TENM2: variants seen among roughly 807,000 people sequenced by gnomAD.
TENM2 encodes the protein teneurin transmembrane protein 2, also known as teneurin-2.
In TENM2, 52 loss-of-function variants were observed where a neutral mutation model predicts 245.2. That is an observed-to-expected ratio of 0.21 (90% CI 0.17 to 0.27). TENM2 has a LOEUF of 0.27. Ranked by LOEUF, TENM2 falls within the 10% of genes least tolerant of loss-of-function variation. The probability of loss-of-function intolerance (pLI) is 1.00; values close to 1 mark genes in which losing one functional copy is unlikely to be tolerated. For missense variants in TENM2, 3,046 were observed against 3,666.8 expected, an observed-to-expected ratio of 0.83 and a Z score of 4.37; for synonymous variants, 1,363 against 1,438.9, an observed-to-expected ratio of 0.95 and a Z score of 1.19.
intron 2 of TENM2, among the ~76,000 whole-genome samples, chr5:167,510,141 A>T (rs763819364): frequency 9.2e-5 from 14 of 152,190 alleles, no homozygotes; most frequent in Non-Finnish European, 1.5e-4. Flanking sequence ...AATTTGACTG[A>T]TGTTTGTTTT....
chr5:167,522,938 A>AT (rs1327157859), intron 2 of TENM2, among the ~76,000 whole-genome samples: 2 of 151,316 alleles, frequency 1.3e-5, no homozygotes, highest in East Asian at 3.9e-4. Context: ...ACAAAAATTC[A>AT]TTTTTTTGCA....
chr5:167,746,678 A>AGAGAGAGAGAGAGAGAGAGAGAGAGT (rs1761591250), intron 2 of TENM2, among the ~76,000 whole-genome samples: 1 of 107,458 alleles, frequency 9.3e-6, no homozygotes, highest in Non-Finnish European at 1.8e-5. Flanking sequence ...TTACCAACAG[A>AGAGAGAGAGAGAGAGAGAGAGAGAGT]GAGAGAGAGA....
chr5:167,889,423 A>G (rs1402618095), intron 3 of TENM2, among the ~76,000 whole-genome samples: 1 of 152,182 alleles, frequency 6.6e-6, no homozygotes, highest in Non-Finnish European at 1.5e-5. Flanking sequence ...AATCTGTTCC[A>G]TCTGATTGGA....
chr5:167,664,681 T>A (rs1176330363), intron 2 of TENM2, among the ~76,000 whole-genome samples: 1 of 152,218 alleles, frequency 6.6e-6, no homozygotes, highest in Non-Finnish European at 1.5e-5. Context: ...TACTTAGATA[T>A]ATTTTAAGAA....
chr5:167,223,595 A>G, the TENM2 span, among the ~76,000 whole-genome samples: 21 of 152,190 alleles, frequency 1.4e-4, no homozygotes, highest in African/African-American at 4.6e-4. Flanking sequence ...TTATCCACTT[A>G]TGGATACTCA....
At chr5:168,230,022 A>AAATAAAGAT (rs1415665828) in intron 25 of TENM2, among the ~76,000 whole-genome samples, 2 of 152,224 alleles carry the variant, frequency 1.3e-5, no homozygotes, top group Admixed American at 6.5e-5. Context: ...TAAGTTTTCC[A>AAATAAAGAT]AATAAAGATA....
intron 7 of TENM2, among the ~76,000 whole-genome samples, chr5:168,090,064 A>G (rs766787218): frequency 2.3e-4 from 35 of 152,236 alleles, no homozygotes; most frequent in Non-Finnish European, 4.4e-4. Context: ...AGCTGGTAAC[A>G]TGGGTTCATA....
the TENM2 span, among the ~76,000 whole-genome samples, chr5:167,059,843 A>G: frequency 6.6e-6 from 1 of 151,682 alleles, no homozygotes; most frequent in Non-Finnish European, 1.5e-5. Flanking sequence ...AGCTGGGATT[A>G]CAGGTGGCTG....
chr5:168,264,106 C>A (rs1398159076), downstream of TENM2: 1 of 152,352 alleles, frequency 6.6e-6, no homozygotes. Flanking sequence ...TAATTTATGG[C>A]AAAGTGTTTA....
chr5:167,446,707 G>C (rs368707053), intron 2 of TENM2, among the ~76,000 whole-genome samples: 1 of 151,554 alleles, frequency 6.6e-6, no homozygotes, highest in Non-Finnish European at 1.5e-5. Context: ...TTTGGGGGGG[G>C]GGATTTGTAC....
At chr5:167,132,306 A>T in the TENM2 span, among the ~76,000 whole-genome samples, 1 of 152,108 alleles carries the variant, frequency 6.6e-6, no homozygotes, top group Non-Finnish European at 1.5e-5. Flanking sequence ...TCTCTCCCAA[A>T]GGTGACCCCT....
chr5:167,720,656 T>A (rs1759566025), intron 2 of TENM2, among the ~76,000 whole-genome samples: 1 of 152,242 alleles, frequency 6.6e-6, no homozygotes, highest in South Asian at 2.1e-4. Flanking sequence ...ATATTGCATT[T>A]ATTTATTTCA....
chr5:168,123,142 A>G (rs898051912), intron 10 of TENM2, among the ~76,000 whole-genome samples: 1 of 152,000 alleles, frequency 6.6e-6, no homozygotes, highest in Non-Finnish European at 1.5e-5. Flanking sequence ...AGAGAAAAAA[A>G]AAAAAACATA....
intron 2 of TENM2, among the ~76,000 whole-genome samples, chr5:167,410,930 A>AC (rs1382995568): frequency 6.6e-6 from 1 of 152,058 alleles, no homozygotes. Context: ...CCACCTATTA[A>AC]CCTCTAGCCA....
At chr5:167,901,805 T>C (rs1364651417) in intron 3 of TENM2, among the ~76,000 whole-genome samples, 1 of 152,238 alleles carries the variant, frequency 6.6e-6, no homozygotes, top group African/African-American at 2.4e-5. Context: ...TTCAATTTTT[T>C]GTTATGTAAA....
chr5:167,404,028 C>G (rs866780216), intron 2 of TENM2, among the ~76,000 whole-genome samples: 26 of 151,926 alleles, frequency 1.7e-4, no homozygotes, highest in Non-Finnish European at 3.7e-4. Context: ...ACCTATTTTC[C>G]CTCTATTTAA....
At chr5:166,985,635 T>G in the TENM2 span, among the ~76,000 whole-genome samples, 1 of 152,016 alleles carries the variant, frequency 6.6e-6, no homozygotes, top group East Asian at 1.9e-4. Context: ...AAAATCAAAT[T>G]TATTTATTAT....
chr5:167,443,252 C>T (rs1764969146), intron 2 of TENM2, among the ~76,000 whole-genome samples: 1 of 152,080 alleles, frequency 6.6e-6, no homozygotes, highest in Non-Finnish European at 1.5e-5. Context: ...CTTCCTCATG[C>T]ACTTCATAAT....
In TENM2 at chr5:167,875,638, AG is replaced by A. The variant is rs145378968; in HGVS notation, c.503-347del. 6.9e-3 allele frequency among the ~76,000 whole-genome samples: 1,053 copies of A among 152,308 alleles called. 17 individuals carry two copies. The highest frequency in any genetic ancestry group is 0.024 in the African/African-American group (997 of 41,572). ...TGGATTATGTGGCAAGAATGGAAGC[AG>A]TGAGACCAGCAAGGAGGTAGCTCAG... On this transcript the variant is annotated intron_variant, in intron 2 of 28. Coordinates refer to ENST00000518659, the Ensembl canonical transcript of TENM2.
Sources: allele counts gnomAD v4.1 joint callset (sites outside exome capture counted in the v4.1 genomes callset), GRCh38; gene constraint gnomAD v4.1.1; transcripts MANE v1.5; gene names NCBI Gene and HGNC (gene_info 2026-07-23, HGNC 2026-07-21).